Variants in GRM7 observed in about 807,000 individuals in gnomAD.
GRM7 encodes the protein metabotropic glutamate receptor 7.
A neutral mutation model predicts 84.5 loss-of-function variants in GRM7; 35 were observed. The observed-to-expected ratio is 0.41, with a 90% CI of 0.32 to 0.55. GRM7 has a LOEUF of 0.55. Ranked by LOEUF, GRM7 falls within the 20% of genes least tolerant of loss-of-function variation. GRM7 has a pLI of 0.19. For synonymous variants in GRM7, 487 were observed against 455.1 expected (o/e 1.07, Z -0.89); for missense variants, 1,003 against 1,194.6 (o/e 0.84, Z 2.36).
intron 1 of GRM7, among the ~76,000 whole-genome samples, chr3:6,942,891 C>T (rs1016362864): frequency 3.3e-5 from 5 of 152,062 alleles, no homozygotes; most frequent in African/African-American, 9.7e-5. Context: ...ACTGTGTCGG[C>T]AATCTGTTTA....
intron 1 of GRM7, among the ~76,000 whole-genome samples, chr3:6,986,853 A>G (rs1001754935): frequency 6.6e-6 from 1 of 152,138 alleles, no homozygotes; most frequent in African/African-American, 2.4e-5. Context: ...GAGCTGCATG[A>G]TTGGAGGGAT....
chr3:7,493,070 A>C (rs1273938025), intron 7 of GRM7, among the ~76,000 whole-genome samples: 1 of 152,100 alleles, frequency 6.6e-6, no homozygotes, highest in Non-Finnish European at 1.5e-5. Context: ...AAATTTGATG[A>C]AGTATGTTTA....
intron 9 of GRM7, among the ~76,000 whole-genome samples, chr3:7,705,077 G>T (rs1473318528): frequency 6.6e-6 from 1 of 152,106 alleles, no homozygotes; most frequent in African/African-American, 2.4e-5. Context: ...AAGGTCTAGA[G>T]GGTGATCCCT....
intron 1 of GRM7, among the ~76,000 whole-genome samples, chr3:6,908,804 T>G (rs1696669537): frequency 6.6e-6 from 1 of 152,118 alleles, no homozygotes; most frequent in Non-Finnish European, 1.5e-5. Flanking sequence ...ACGTTCCTAT[T>G]AGAACTAGCA....
chr3:7,049,822 A>G (rs982880238), intron 1 of GRM7, among the ~76,000 whole-genome samples: 6 of 151,888 alleles, frequency 4.0e-5, no homozygotes, highest in Admixed American at 2.0e-4. Context: ...GATGGAGATT[A>G]CCCAAACAAA....
chr3:7,341,932 G>A (rs1035205790), intron 4 of GRM7, among the ~76,000 whole-genome samples: 1 of 152,056 alleles, frequency 6.6e-6, no homozygotes, highest in African/African-American at 2.4e-5. Context: ...CAGAAGACAA[G>A]GCTATACCCA....
chr3:7,729,685 TA>T (rs957266417), intron 9 of GRM7, among the ~76,000 whole-genome samples: 4 of 152,060 alleles, frequency 2.6e-5, no homozygotes, highest in African/African-American at 9.7e-5. Context: ...GTGCCGTGAA[TA>T]AAGAGAATTG....
intron 4 of GRM7, among the ~76,000 whole-genome samples, chr3:7,382,486 C>T (rs1694629822): frequency 6.6e-6 from 1 of 152,138 alleles, no homozygotes; most frequent in African/African-American, 2.4e-5. Flanking sequence ...AGTTTTATTA[C>T]AGCAAGTAAC....
rs1398071078 is a variant in GRM7 at position 7,524,739 on chromosome 3, A to G, written c.1516-53683A>G. ...TCAGGGATCTAGAACTAGAAATACC[A>G]TTTGACCCAGCCATCCCATTACTGG... On this transcript the variant is annotated intron_variant, in intron 7 of 9. Coordinates refer to ENST00000357716, the MANE Select transcript of GRM7 (RefSeq NM_000844.4). Among the ~76,000 whole-genome samples the G allele has an allele frequency of 2.3e-5, 2 of 87,910 alleles. 1 individual carries two copies. Among genetic ancestry groups the G allele is most frequent in the Non-Finnish European group, 4.3e-5 (2 of 46,772 alleles). 57.7% of individuals were successfully genotyped at this position (87,910 alleles called of 152,430 possible). A position where few individuals can be genotyped will look rare whatever the true frequency, so the allele number is the denominator to read the frequency against.
chr3:7,354,176 T>C (rs1004202065), intron 4 of GRM7, among the ~76,000 whole-genome samples: 1 of 152,128 alleles, frequency 6.6e-6, no homozygotes, highest in Non-Finnish European at 1.5e-5. Flanking sequence ...AGGGAAACCT[T>C]GCCTTTTACC....
intron 1 of GRM7, among the ~76,000 whole-genome samples, chr3:7,144,409 T>C (rs915129289): frequency 1.3e-5 from 2 of 152,040 alleles, no homozygotes; most frequent in African/African-American, 4.8e-5. Flanking sequence ...AAATAAAGAG[T>C]TGGATAAACA....
At chr3:7,347,711 C>T (rs757408789) in intron 4 of GRM7, among the ~76,000 whole-genome samples, 3 of 152,094 alleles carry the variant, frequency 2.0e-5, no homozygotes, top group Non-Finnish European at 4.4e-5. Context: ...AAAACTTTAT[C>T]GTCTTCATTA....
At chr3:7,323,450 G>A (rs1700863605) in intron 4 of GRM7, among the ~76,000 whole-genome samples, 1 of 152,146 alleles carries the variant, frequency 6.6e-6, no homozygotes, top group Non-Finnish European at 1.5e-5. Flanking sequence ...ACCATCTGGT[G>A]CACATCTGTC....
At chr3:7,064,202 A>C (rs1697537343) in intron 1 of GRM7, among the ~76,000 whole-genome samples, 2 of 150,956 alleles carry the variant, frequency 1.3e-5, no homozygotes. Flanking sequence ...TCTATACACT[A>C]TACTATATTT....
At chr3:7,624,627 TA>T (rs1181082366) in intron 8 of GRM7, among the ~76,000 whole-genome samples, 1 of 152,190 alleles carries the variant, frequency 6.6e-6, no homozygotes, top group Non-Finnish European at 1.5e-5. Flanking sequence ...TTTTCTGTCA[TA>T]ACTCTGATAA....
At chr3:7,702,403 T>C (rs953096699) in intron 9 of GRM7, among the ~76,000 whole-genome samples, 1 of 152,214 alleles carries the variant, frequency 6.6e-6, no homozygotes, top group African/African-American at 2.4e-5. Context: ...AAATTTTGAC[T>C]ATGTACAACC....
intron 4 of GRM7, among the ~76,000 whole-genome samples, chr3:7,395,769 A>C (rs1232612212): frequency 6.6e-6 from 1 of 152,116 alleles, no homozygotes; most frequent in East Asian, 1.9e-4. Context: ...AGTCAGTTAA[A>C]CCTCTTTCCT....
intron 1 of GRM7, among the ~76,000 whole-genome samples, chr3:7,110,987 G>A (rs1692830365): frequency 6.6e-6 from 1 of 152,084 alleles, no homozygotes; most frequent in Non-Finnish European, 1.5e-5. Context: ...ATGGGTGGAG[G>A]GGAAGGAGAG....
At chr3:6,872,648 G>A (rs1695164857) in intron 1 of GRM7, among the ~76,000 whole-genome samples, 1 of 151,348 alleles carries the variant, frequency 6.6e-6, no homozygotes, top group Non-Finnish European at 1.5e-5. Flanking sequence ...GGTGTGTGAT[G>A]TTCCCCTCCC....
Sources: allele counts gnomAD v4.1 joint callset (sites outside exome capture counted in the v4.1 genomes callset), GRCh38; gene constraint gnomAD v4.1.1; transcripts MANE v1.5; gene names NCBI Gene and HGNC (gene_info 2026-07-23, HGNC 2026-07-21).